Variants in IL1RAPL2 observed in about 807,000 individuals in gnomAD.
IL1RAPL2 encodes the protein interleukin 1 receptor accessory protein like 2, also known as X-linked interleukin-1 receptor accessory protein-like 2.
Under a neutral mutation model 44.1 loss-of-function variants are expected in IL1RAPL2, and 3 were observed. That is an observed-to-expected ratio of 0.07 (90% CI 0.03 to 0.18). The LOEUF is 0.18. Ranked by LOEUF, IL1RAPL2 falls within the 10% of genes least tolerant of loss-of-function variation. IL1RAPL2 has a pLI of 1.00. For synonymous variants in IL1RAPL2, 181 were observed against 178.8 expected (o/e 1.01, Z -0.10); for missense variants, 391 against 496.4 (o/e 0.79, Z 2.02).
intron 2 of IL1RAPL2, among the ~76,000 whole-genome samples, chrX:105,115,517 A>T (rs867085414): frequency 8.9e-6 from 1 of 112,233 alleles, no homozygotes. Context: ...AGCTAGATAC[A>T]GAGTGTCGAT....
intron 5 of IL1RAPL2, among the ~76,000 whole-genome samples, chrX:105,468,556 G>T (rs1413620807): frequency 9.0e-6 from 1 of 111,616 alleles, no homozygotes; most frequent in African/African-American, 3.3e-5. Flanking sequence ...AATAATTTTT[G>T]AACAAGGGGC....
At chrX:105,467,773 C>T (rs2036140528) in intron 5 of IL1RAPL2, among the ~76,000 whole-genome samples, 1 of 111,306 alleles carries the variant, frequency 9.0e-6, no homozygotes, top group Non-Finnish European at 1.9e-5. Context: ...GAAACAGGAA[C>T]CAGGAGGAAA....
chrX:104,671,055 A>G (rs982231233), intron 2 of IL1RAPL2, among the ~76,000 whole-genome samples: 1 of 111,015 alleles, frequency 9.0e-6, no homozygotes, highest in Admixed American at 9.6e-5. Flanking sequence ...TCCTTAGTTC[A>G]CTTATTCATT....
At chrX:104,977,668 C>G (rs1224760550) in intron 2 of IL1RAPL2, among the ~76,000 whole-genome samples, 1 of 111,668 alleles carries the variant, frequency 9.0e-6, no homozygotes, top group East Asian at 2.8e-4. Flanking sequence ...CTTGGCTTCA[C>G]CCAGGAAAGA....
At chrX:104,730,977 T>A (rs1430630784) in intron 2 of IL1RAPL2, among the ~76,000 whole-genome samples, 1 of 111,451 alleles carries the variant, frequency 9.0e-6, no homozygotes, top group African/African-American at 3.2e-5. Flanking sequence ...TGGCCAGTGA[T>A]GATGAGCATT....
intron 2 of IL1RAPL2, among the ~76,000 whole-genome samples, chrX:104,744,063 G>A (rs1932135569): frequency 9.0e-6 from 1 of 111,009 alleles, no homozygotes; most frequent in Non-Finnish European, 1.9e-5. Flanking sequence ...GCAGGATGCT[G>A]AATGAGTGAA....
intron 6 of IL1RAPL2, among the ~76,000 whole-genome samples, chrX:105,630,054 C>A (rs1000122091): frequency 9.0e-6 from 1 of 111,380 alleles, no homozygotes; most frequent in Non-Finnish European, 1.9e-5. Flanking sequence ...TCTGACAATT[C>A]CAGAATATTC....
At chrX:104,731,346 T>C (rs1274386267) in intron 2 of IL1RAPL2, among the ~76,000 whole-genome samples, 1 of 110,743 alleles carries the variant, frequency 9.0e-6, no homozygotes, top group African/African-American at 3.3e-5. Flanking sequence ...GTTTTTATGG[T>C]TTTAGGTCTA....
At chrX:104,794,333 T>C (rs1212581555) in intron 2 of IL1RAPL2, among the ~76,000 whole-genome samples, 1 of 111,913 alleles carries the variant, frequency 8.9e-6, no homozygotes, top group Non-Finnish European at 1.9e-5. Context: ...AGAAGTAAAC[T>C]TCTTGTGATG....
At chrX:105,453,807 G>A (rs1351598673) in intron 5 of IL1RAPL2, among the ~76,000 whole-genome samples, 3 of 111,722 alleles carry the variant, frequency 2.7e-5, no homozygotes, top group Non-Finnish European at 5.6e-5. Flanking sequence ...GGCAAAATTA[G>A]CATGGAAAGA....
intron 3 of IL1RAPL2, 68 bp downstream of exon 3, chrX:105,195,816 T>C (rs1436990949): frequency 6.2e-5 from 64 of 1,030,996 alleles, no homozygotes; most frequent in Non-Finnish European, 8.7e-5. Context: ...CTTGAGTACA[T>C]GTAGGTATGC....
At chrX:105,006,928 C>A (rs1217787953) in intron 2 of IL1RAPL2, among the ~76,000 whole-genome samples, 2 of 111,420 alleles carry the variant, frequency 1.8e-5, no homozygotes, top group East Asian at 2.9e-4. Flanking sequence ...GTGGTTTTAA[C>A]TCTTCCTTGG....
intron 2 of IL1RAPL2, among the ~76,000 whole-genome samples, chrX:105,004,969 C>T (rs1239976744): frequency 9.0e-6 from 1 of 111,038 alleles, no homozygotes; most frequent in East Asian, 2.8e-4. Context: ...AAAAATTTCA[C>T]CTGTGAAATA....
chrX:105,700,999 C>A (rs1439847551), intron 6 of IL1RAPL2, among the ~76,000 whole-genome samples: 3 of 111,161 alleles, frequency 2.7e-5, no homozygotes, highest in Non-Finnish European at 5.7e-5. Flanking sequence ...ATATTTCCTC[C>A]AGGGTCACAT....
chrX:104,653,885 C>T (rs1366974462), intron 1 of IL1RAPL2, among the ~76,000 whole-genome samples: 3 of 111,205 alleles, frequency 2.7e-5, no homozygotes, highest in Non-Finnish European at 5.7e-5. Context: ...TAGTTTCACC[C>T]TCATACCTCC....
chrX:105,320,845 G>A (rs768655792), intron 5 of IL1RAPL2, among the ~76,000 whole-genome samples: 1 of 111,813 alleles, frequency 8.9e-6, no homozygotes, highest in South Asian at 3.8e-4. Flanking sequence ...TTTGAACCAG[G>A]CCTGATTTGA....
chrX:105,740,714 C>CTA, intron 8 of IL1RAPL2, 23 bp downstream of exon 8: 1 of 1,172,936 alleles, frequency 8.5e-7, no homozygotes, highest in Non-Finnish European at 1.2e-6. Context: ...ATAACTATAA[C>CTA]TATGGTTTGC....
intron 2 of IL1RAPL2, among the ~76,000 whole-genome samples, chrX:105,170,138 G>A (rs1249468633): frequency 9.0e-6 from 1 of 110,877 alleles, no homozygotes; most frequent in Non-Finnish European, 1.9e-5. Context: ...CTAAAAAAAT[G>A]TAAAACAAAG....
chrX:105,766,578 A>C (rs993437297), intron 10 of IL1RAPL2, among the ~76,000 whole-genome samples: 2 of 111,312 alleles, frequency 1.8e-5, no homozygotes, highest in African/African-American at 6.5e-5. Flanking sequence ...CCATAAATAC[A>C]GTAACTCTGC....
Sources: gnomAD v4.1 joint callset for allele counts (sites outside exome capture counted in the v4.1 genomes callset) on GRCh38, gnomAD v4.1.1 for gene constraint, MANE v1.5 for transcripts, NCBI Gene and HGNC (gene_info 2026-07-23, HGNC 2026-07-21) for gene names.